The following SV2B variants were observed in gnomAD, a reference collection of about 807,000 sequenced individuals.
The protein encoded by SV2B is synaptic vesicle glycoprotein 2B, also known as solute carrier family 22 member B2.
A neutral mutation model predicts 73.9 loss-of-function variants in SV2B; 41 were observed. The ratio of observed to expected loss-of-function variants is 0.56; its 90% confidence interval spans 0.43 to 0.72. The LOEUF is 0.72. Ranked by LOEUF, SV2B falls within the 30% of genes least tolerant of loss-of-function variation. The pLI, the probability that SV2B is intolerant of heterozygous loss-of-function variation, is 0.00. For synonymous variants in SV2B, 314 were observed against 314.2 expected (o/e 1.00, Z 0.01); for missense variants, 764 against 857.8 (o/e 0.89, Z 1.37).
intron 6 of SV2B, among the ~76,000 whole-genome samples, chr15:91,264,879 C>A (rs929861971): frequency 6.6e-6 from 1 of 152,078 alleles, no homozygotes; most frequent in African/African-American, 2.4e-5. Context: ...AGTTACTAAG[C>A]TCTGAGGCAT....
At chr15:91,209,105 CTGTTTTT>C (rs1304120495) in intron 1 of SV2B, among the ~76,000 whole-genome samples, 2,272 of 137,476 alleles carry the variant, frequency 0.017, 85 homozygotes, top group East Asian at 0.087. Context: ...TGTGGCAGTA[CTGTTTTT>C]TGTTTTTTTT....
rs1173339888 is a variant in SV2B, at chr15:91,137,689, C to A, written c.-392+37326C>A. Among the ~76,000 whole-genome samples, 1 of 139,236 alleles carries A rather than the reference C, an allele frequency of 7.2e-6. No individual in the cohort carries two copies. Among genetic ancestry groups the A allele is most frequent in the African/African-American group, 2.7e-5 (1 of 36,828 alleles). 91.3% of individuals were successfully genotyped at this position (139,236 alleles called of 152,430 possible). A position where few individuals can be genotyped will look rare whatever the true frequency, so the allele number is the denominator to read the frequency against. On this transcript the variant is annotated intron_variant, in intron 1 of 12. Coordinates refer to ENST00000394232, the MANE Select transcript of SV2B (RefSeq NM_001323032.3). The surrounding 1 kb of genome is among the most constrained non-coding windows in gnomAD (Gnocchi z 4.9). The stretch of plus-strand genomic sequence containing the variant: ...CATATATTTCATATATATATACACA[C>A]ACACACACATTTGCACAGGTTATTA...
intron 6 of SV2B, 78 bp from the exon 7 acceptor site, chr15:91,266,504 A>T (rs1056213827): frequency 3.6e-6 from 4 of 1,110,152 alleles, no homozygotes; most frequent in Admixed American, 3.8e-5. Context: ...CAGTTTAAAT[A>T]GTTACATTAA....
At chr15:91,178,219 G>A (rs1342192873) in intron 1 of SV2B, among the ~76,000 whole-genome samples, 1 of 151,620 alleles carries the variant, frequency 6.6e-6, no homozygotes, top group Non-Finnish European at 1.5e-5. Flanking sequence ...TGTTGAACCA[G>A]CCTTGCATCC....
Position 91,227,059 on chromosome 15 carries a change from T to G in SV2B, c.451+345T>G, listed in dbSNP as rs1009537267. 6.6e-6 allele frequency among the ~76,000 whole-genome samples: 1 copy of G among 152,172 alleles called. No individual in the cohort carries two copies. The highest frequency in any genetic ancestry group is 1.5e-5 in the Non-Finnish European group (1 of 68,030). On this transcript the variant is annotated intron_variant, in intron 2 of 12. Transcript: ENST00000394232. The surrounding 1 kb of genome is among the most constrained non-coding windows in gnomAD (Gnocchi z 4.5). ...AGTGGCAAATGTGGGAGTGGCAAAT[T>G]AAACCTTCTTCCATGTCCAAATGAC...
rs1193438239 is a variant in SV2B at position 91,232,302 on chromosome 15, T to C, written c.451+5588T>C. The stretch of plus-strand genomic sequence containing the variant: ...GTTCTTATTTATACTGTTTAGATCA[T>C]GTAATTCTTCAGGATAGACTGATTA... On this transcript the variant is annotated intron_variant, in intron 2 of 12. Transcript: ENST00000394232. The surrounding 1 kb of genome is among the most constrained non-coding windows in gnomAD (Gnocchi z 4.7). Among the ~76,000 whole-genome samples, 1 of 152,244 alleles carries C rather than the reference T, an allele frequency of 6.6e-6. No homozygotes were observed. Among genetic ancestry groups the C allele is most frequent in the African/African-American group, 2.4e-5 (1 of 41,468 alleles).
Position 91,272,993 on chromosome 15 carries a change from C to T in SV2B, c.1373+4388C>T, listed in dbSNP as rs193122130. Among the ~76,000 whole-genome samples the T allele has an allele frequency of 3.2e-3, 484 of 151,930 alleles. 2 individuals carry two copies. Among genetic ancestry groups the T allele is most frequent in the Admixed American group, 6.6e-3 (100 of 15,266 alleles). On this transcript the variant is annotated intron_variant, in intron 9 of 12. Coordinates refer to ENST00000394232, the MANE Select transcript of SV2B (RefSeq NM_001323032.3). ...GATTACAGGCGCGTGCCACCATGCC[C>T]GGCTAGTATTTGTACTTTTAGTAGA...
intron 1 of SV2B, among the ~76,000 whole-genome samples, chr15:91,159,748 A>G (rs776469775): frequency 2.0e-5 from 3 of 152,202 alleles, no homozygotes; most frequent in Non-Finnish European, 2.9e-5. Context: ...ATATCCACTT[A>G]TTATTTGTCA....
rs1020057239 is a variant in SV2B, at chr15:91,268,355, G to C, written c.1209-86G>C. On this transcript the variant is annotated intron_variant, in intron 8 of 12. Coordinates refer to ENST00000394232, the MANE Select transcript of SV2B (RefSeq NM_001323032.3). The surrounding 1 kb of genome is among the most constrained non-coding windows in gnomAD (Gnocchi z 4.4). ...AAATTAATGTATTTTCAATGAGTTT[G>C]ATCTGCATCAAGTCAAGAGTGTAGA... 1 of 1,314,152 alleles carries C rather than the reference G, an allele frequency of 7.6e-7. No homozygotes were observed. The highest frequency in any genetic ancestry group is 1.0e-6 in the Non-Finnish European group (1 of 968,042). 81.4% of individuals were successfully genotyped at this position (1,314,152 alleles called of 1,614,324 possible). A position where few individuals can be genotyped will look rare whatever the true frequency, so the allele number is the denominator to read the frequency against.
intron 1 of SV2B, among the ~76,000 whole-genome samples, chr15:91,134,674 C>T (rs1471545334): frequency 6.6e-6 from 1 of 152,208 alleles, no homozygotes; most frequent in Admixed American, 6.5e-5. Flanking sequence ...AAACTGACAT[C>T]TACTTTTCAT....
chr15:91,242,503 A>G lies in SV2B; in HGVS notation c.452-9316A>G, dbSNP rs1402958855. 6.6e-6 allele frequency among the ~76,000 whole-genome samples: 1 copy of G among 152,166 alleles called. No homozygotes were observed. Among genetic ancestry groups the G allele is most frequent in the Non-Finnish European group, 1.5e-5 (1 of 68,026 alleles). On this transcript the variant is annotated intron_variant, in intron 2 of 12. Transcript: ENST00000394232. The surrounding 1 kb of genome is among the most constrained non-coding windows in gnomAD (Gnocchi z 4.9). The stretch of plus-strand genomic sequence containing the variant: ...ATTCCACCTGTTGGAGGGAGAGGCT[A>G]TTGAGGATGGATGGTCAGGGAAGGC...
Position 91,137,467 on chromosome 15 carries a change from A to G in SV2B, c.-392+37104A>G, listed in dbSNP as rs900511831. On this transcript the variant is annotated intron_variant, in intron 1 of 12. Transcript: ENST00000394232. The surrounding 1 kb of genome is among the most constrained non-coding windows in gnomAD (Gnocchi z 4.9). ...ACTAGTGAGTAACTGTGTGTCAGGC[A>G]TGAGGTGGAAGACAAATTACATGTA... is the stretch of plus-strand genomic sequence containing the variant. Among the ~76,000 whole-genome samples the G allele has an allele frequency of 4.0e-5, 6 of 151,610 alleles. No individual in the cohort carries two copies. Among genetic ancestry groups the G allele is most frequent in the African/African-American group, 1.5e-4 (6 of 41,354 alleles).
intron 1 of SV2B, among the ~76,000 whole-genome samples, chr15:91,187,436 A>T (rs1292513074): frequency 1.3e-5 from 2 of 152,250 alleles, no homozygotes; most frequent in Non-Finnish European, 2.9e-5. Context: ...TGAAAGTAGC[A>T]GGTAAAGGTC....
intron 1 of SV2B, among the ~76,000 whole-genome samples, chr15:91,182,645 C>A (rs761959302): frequency 4.6e-5 from 7 of 152,116 alleles, no homozygotes; most frequent in Non-Finnish European, 5.9e-5. Context: ...AGGGCATCTA[C>A]GATGGGTCAG....
At chr15:91,205,280 C>T (rs2045593778) in intron 1 of SV2B, among the ~76,000 whole-genome samples, 1 of 151,984 alleles carries the variant, frequency 6.6e-6, no homozygotes, top group South Asian at 2.1e-4. Flanking sequence ...CAGAGCTACA[C>T]CAAAGAATGG....
intron 1 of SV2B, among the ~76,000 whole-genome samples, chr15:91,135,511 A>G (rs1014250689): frequency 1.3e-5 from 2 of 152,154 alleles, no homozygotes; most frequent in Admixed American, 6.5e-5. Flanking sequence ...CATCACAGCA[A>G]TGTTGCAAGA....
rs1163311908 is a variant in SV2B, at chr15:91,141,348, G to A, written c.-392+40985G>A. Among the ~76,000 whole-genome samples the A allele has an allele frequency of 2.0e-5, 3 of 152,156 alleles. No homozygotes were observed. The highest frequency in any genetic ancestry group is 2.9e-5 in the Non-Finnish European group (2 of 68,024). On this transcript the variant is annotated intron_variant, in intron 1 of 12. Coordinates refer to ENST00000394232, the MANE Select transcript of SV2B (RefSeq NM_001323032.3). This position sits in a 1 kb window ranked among gnomAD's most constrained non-coding sequence, Gnocchi z 4.6. ...TCATCTAGGGTGTCTTGCAGAACAG[G>A]GCCTTGCTCTTCTTCAGGAAGACTT... is the stretch of plus-strand genomic sequence containing the variant.
chr15:91,281,928 A>C lies in SV2B; in HGVS notation c.1507+67A>C. ...GACAACTTGTGTTGTCCAAGAATCA[A>C]AATGGTCAGGCATAAACTTTAGGAG... On this transcript the variant is annotated intron_variant, in intron 10 of 12. Coordinates refer to ENST00000394232, the MANE Select transcript of SV2B (RefSeq NM_001323032.3). The surrounding 1 kb of genome is among the most constrained non-coding windows in gnomAD (Gnocchi z 4.7). 1.3e-6 allele frequency: 2 copies of C among 1,520,560 alleles called. No homozygotes were observed. The highest frequency in any genetic ancestry group is 2.6e-5 in the South Asian group (2 of 77,774). The allele number at this position is 1,520,560 out of a possible 1,614,324, so 94.2% of individuals were successfully genotyped here. A position where few individuals can be genotyped will look rare whatever the true frequency, so the allele number is the denominator to read the frequency against.
Position 91,253,616 on chromosome 15 carries a change from C to T in SV2B, c.784+1096C>T, listed in dbSNP as rs1339251800. ...TTTCTAATCTGCAGGTGGCTCCGCT[C>T]CATCAGTAATTCTGGAGTTTAGACT... On this transcript the variant is annotated intron_variant, in intron 4 of 12. Coordinates refer to ENST00000394232, the MANE Select transcript of SV2B (RefSeq NM_001323032.3). The surrounding 1 kb of genome is among the most constrained non-coding windows in gnomAD (Gnocchi z 5.0). Among the ~76,000 whole-genome samples, 1 of 152,240 alleles carries T rather than the reference C, an allele frequency of 6.6e-6. No homozygotes were observed. The highest frequency in any genetic ancestry group is 1.5e-5 in the Non-Finnish European group (1 of 68,036).
Sources: gnomAD v4.1 joint callset for allele counts (sites outside exome capture counted in the v4.1 genomes callset) on GRCh38, gnomAD v4.1.1 for gene constraint, Gnocchi (gnomAD v3.1) non-coding constraint, MANE v1.5 for transcripts, NCBI Gene and HGNC (gene_info 2026-07-23, HGNC 2026-07-21) for gene names.